SEMA3A: variants seen among roughly 807,000 people sequenced by gnomAD.
SEMA3A encodes semaphorin 3A.
SEMA3A carries 29 observed loss-of-function variants against 97.9 expected under a neutral mutation model. The ratio of observed to expected loss-of-function variants is 0.30; its 90% confidence interval spans 0.22 to 0.40. SEMA3A has a LOEUF of 0.40. Ranked by LOEUF, SEMA3A falls within the 10% of genes least tolerant of loss-of-function variation. The pLI is 1.00. For synonymous variants in SEMA3A, 321 were observed against 323.7 expected (o/e 0.99, Z 0.09); for missense variants, 763 against 951.3 (o/e 0.80, Z 2.60).
At chr7:84,489,522 A>G (rs1292863655) in intron 1 of SEMA3A, among the ~76,000 whole-genome samples, 1 of 152,156 alleles carries the variant, frequency 6.6e-6, no homozygotes, top group Non-Finnish European at 1.5e-5. Flanking sequence ...GTGAAAGCCC[A>G]CTAATGTTAT....
At chr7:84,145,443 A>C (rs984990593) in intron 1 of SEMA3A, among the ~76,000 whole-genome samples, 1 of 152,202 alleles carries the variant, frequency 6.6e-6, no homozygotes, top group Admixed American at 6.5e-5. Flanking sequence ...ATTTAGAAAA[A>C]GTAAATATAA....
chr7:84,167,855 G>A (rs1458734470), intron 1 of SEMA3A, among the ~76,000 whole-genome samples: 4 of 152,146 alleles, frequency 2.6e-5, no homozygotes, highest in South Asian at 2.1e-4. Context: ...CTAATTTGAT[G>A]TAATAGCTCA....
Position 84,134,838 on chromosome 7 carries a change from G to A in SEMA3A, c.226C>T (p.His76Tyr). ...TTAACCAGGTCGAATGAAAATATGT[G>A]ATCCTTTGCTCCAACATACAGCCTA... ...RSRLYVGAKD[H>Y]IFSFDLVNIK... The change falls in exon 2 of 17, where the codon CAC (histidine) becomes TAC (tyrosine). Residue 76 changes from histidine (H) to tyrosine (Y), a missense_variant. Around this residue, in one of 2 missense-constraint regions of SEMA3A, gnomAD observed 678 missense variants for 881.3 expected, o/e 0.77. Transcript: ENST00000265362. 6.2e-7 allele frequency: 1 copy of A among 1,613,292 alleles called. No individual in the cohort carries two copies. The highest frequency in any genetic ancestry group is 8.5e-7 in the Non-Finnish European group (1 of 1,179,604).
At chr7:84,021,327 T>C (rs1791320596) in intron 6 of SEMA3A, among the ~76,000 whole-genome samples, 1 of 152,226 alleles carries the variant, frequency 6.6e-6, no homozygotes, top group African/African-American at 2.4e-5. Flanking sequence ...CTTTTTAAAA[T>C]ATCTGCATTT....
At position 84,227,408 on chromosome 7, in the gene SEMA3A, A is replaced by AT. The variant is rs993935711; in HGVS notation, c.-82-32741dup. ...GAAACAACAGCAAAACTAAAAATACATTTTTTTTTGCTTTAAATAAGTGTG... is the reference window on the plus strand; with the variant it reads ...GAAACAACAGCAAAACTAAAAATACATTTTTTTTTTGCTTTAAATAAGTGTG... On this transcript the variant is annotated intron_variant, in intron 3 of 3. Coordinates refer to the SEMA3A transcript ENST00000424555. 8.1e-3 allele frequency among the ~76,000 whole-genome samples: 1,219 copies of AT among 150,646 alleles called. 13 individuals are homozygous for AT. The highest frequency in any genetic ancestry group is 0.026 in the African/African-American group (1,052 of 41,122).
chr7:84,018,897 C>T (rs946216363), intron 6 of SEMA3A, among the ~76,000 whole-genome samples: 1 of 152,078 alleles, frequency 6.6e-6, no homozygotes, highest in African/African-American at 2.4e-5. Context: ...ACTCCTGCTG[C>T]TGCAGAGAAA....
intron 1 of SEMA3A, among the ~76,000 whole-genome samples, chr7:84,144,300 A>C (rs977760413): frequency 6.6e-6 from 1 of 152,120 alleles, no homozygotes; most frequent in Non-Finnish European, 1.5e-5. Context: ...GAAGGAGGAA[A>C]TAAGTTCACT....
intron 1 of SEMA3A, among the ~76,000 whole-genome samples, chr7:84,378,564 TG>T (rs1434123497): frequency 1.3e-5 from 2 of 151,596 alleles, no homozygotes; most frequent in African/African-American, 4.9e-5. Context: ...TTCGGGGTGT[TG>T]GGGGCAAGGG....
At chr7:84,129,822 C>G (rs1182257328) in intron 2 of SEMA3A, among the ~76,000 whole-genome samples, 1 of 150,496 alleles carries the variant, frequency 6.6e-6, no homozygotes, top group Non-Finnish European at 1.5e-5. Flanking sequence ...CTCTAAAAGA[C>G]AATCACCCTC....
At chr7:84,469,538 T>C (rs999273413) in intron 1 of SEMA3A, among the ~76,000 whole-genome samples, 1 of 152,178 alleles carries the variant, frequency 6.6e-6, no homozygotes, top group Non-Finnish European at 1.5e-5. Flanking sequence ...TTGAGTTACT[T>C]CCTTCTTTTG....
chr7:84,333,251 C>G (rs1801948738), intron 2 of SEMA3A, among the ~76,000 whole-genome samples: 1 of 152,110 alleles, frequency 6.6e-6, no homozygotes, highest in African/African-American at 2.4e-5. Flanking sequence ...TCCATTGATG[C>G]TCCCTAAGTT....
At chr7:84,097,634 G>A (rs1404804362) in intron 4 of SEMA3A, among the ~76,000 whole-genome samples, 1 of 152,002 alleles carries the variant, frequency 6.6e-6, no homozygotes, top group Non-Finnish European at 1.5e-5. Context: ...AAATAAAAAT[G>A]GAAAGTAGTC....
At chr7:84,368,767 TG>T (rs1235760041) in intron 2 of SEMA3A, among the ~76,000 whole-genome samples, 1 of 150,990 alleles carries the variant, frequency 6.6e-6, no homozygotes, top group Non-Finnish European at 1.5e-5. Flanking sequence ...CAAGTGTGTA[TG>T]TATACAGATA....
intron 1 of SEMA3A, among the ~76,000 whole-genome samples, chr7:84,428,846 C>A (rs773095712): frequency 3.3e-5 from 5 of 152,070 alleles, no homozygotes; most frequent in East Asian, 1.9e-4. Context: ...GGATTAAATT[C>A]TTTGACTAAT....
intron 3 of SEMA3A, among the ~76,000 whole-genome samples, chr7:84,251,155 T>A (rs1405765900): frequency 6.6e-6 from 1 of 152,262 alleles, no homozygotes; most frequent in East Asian, 1.9e-4. Flanking sequence ...TATCTATGGT[T>A]TAATGACACC....
intron 2 of SEMA3A, among the ~76,000 whole-genome samples, chr7:84,311,032 A>T (rs1801301070): frequency 6.6e-6 from 1 of 151,264 alleles, no homozygotes; most frequent in Non-Finnish European, 1.5e-5. Context: ...AATGGCTTGA[A>T]GTTGTTACAC....
chr7:84,373,117 C>G (rs866542966), intron 1 of SEMA3A, among the ~76,000 whole-genome samples: 3 of 152,244 alleles, frequency 2.0e-5, no homozygotes, highest in African/African-American at 4.8e-5. Context: ...AATGGAGAAG[C>G]CCTTGCTAAG....
intron 3 of SEMA3A, among the ~76,000 whole-genome samples, chr7:84,270,383 A>C (rs544148804): frequency 6.6e-6 from 1 of 151,926 alleles, no homozygotes; most frequent in East Asian, 1.9e-4. Context: ...GGAGTGAATG[A>C]AGTTGAAAAT....
intron 2 of SEMA3A, among the ~76,000 whole-genome samples, chr7:84,313,352 GTGTGTATATATATATATATATATATATA>G (rs1394918240): frequency 0.019 from 1,596 of 83,394 alleles, 70 homozygotes; most frequent in East Asian, 0.07. Context: ...GTATATGTGT[GTGTGTATATATATATATATATATATATA>G]TATATATATA....
Sources: allele counts gnomAD v4.1 joint callset (sites outside exome capture counted in the v4.1 genomes callset), GRCh38; gene constraint gnomAD v4.1.1; regional missense constraint gnomAD v4.1.1; transcripts MANE v1.5; gene names NCBI Gene and HGNC (gene_info 2026-07-23, HGNC 2026-07-21).